The following USP6NL variants were observed in gnomAD, a reference collection of about 807,000 sequenced individuals.
USP6NL encodes USP6 N-terminal like.
Under a neutral mutation model 61.9 loss-of-function variants are expected in USP6NL, and 26 were observed. The observed-to-expected ratio is 0.42, with a 90% CI of 0.31 to 0.58. USP6NL has a LOEUF of 0.58. Among genes scored for constraint, USP6NL ranks in the 20% least tolerant of loss-of-function variants. The pLI is 0.16. For missense variants in USP6NL, 1,114 were observed against 1,034.3 expected (o/e 1.08, Z -1.06); for synonymous variants, 432 against 390.1 (o/e 1.11, Z -1.27).
chr10:11,608,541 C>G (rs1838779480), intron 1 of USP6NL, among the ~76,000 whole-genome samples: 1 of 152,168 alleles, frequency 6.6e-6, no homozygotes, highest in Non-Finnish European at 1.5e-5. Context: ...CTCTTTTTTT[C>G]AGCCAGCTAT....
intron 2 of USP6NL, among the ~76,000 whole-genome samples, chr10:11,527,825 C>T (rs11257153): frequency 0.12 from 17,997 of 152,102 alleles, 1,326 homozygotes; most frequent in East Asian, 0.16. Context: ...GAATCAATTT[C>T]GGATCTAAAA....
rs1299067623 is a variant in USP6NL at position 11,478,548 on chromosome 10, A to G, written c.1078+3222T>C. The stretch of plus-strand genomic sequence containing the variant: ...TGTATCTGAATACCACTAAAATACT[A>G]GTGGATTCTTTTTTGTAACTTGACA... On this transcript the variant is annotated intron_variant, in intron 14 of 14. Coordinates refer to ENST00000609104, the MANE Select transcript of USP6NL (RefSeq NM_014688.5). The surrounding 1 kb of genome is among the most constrained non-coding windows in gnomAD (Gnocchi z 6.8). Among the ~76,000 whole-genome samples, 2 of 152,200 alleles carry G rather than the reference A, an allele frequency of 1.3e-5. No individual in the cohort carries two copies. The highest frequency in any genetic ancestry group is 2.9e-5 in the Non-Finnish European group (2 of 68,026).
intron 2 of USP6NL, among the ~76,000 whole-genome samples, chr10:11,557,971 A>G (rs1836778959): frequency 6.6e-6 from 1 of 152,228 alleles, no homozygotes; most frequent in Non-Finnish European, 1.5e-5. Context: ...AAACTGAAAC[A>G]GTCATCTAAG....
chr10:11,608,182 ATATTT>A (rs1838768270), intron 1 of USP6NL, among the ~76,000 whole-genome samples: 2 of 152,238 alleles, frequency 1.3e-5, no homozygotes, highest in African/African-American at 2.4e-5. Context: ...AAATCAAAGA[ATATTT>A]TATTTAACAT....
intron 13 of USP6NL, among the ~76,000 whole-genome samples, chr10:11,483,671 G>A (rs1173908431): frequency 1.1e-5 from 1 of 90,700 alleles, no homozygotes; most frequent in Non-Finnish European, 2.2e-5. Flanking sequence ...GGGTAGGGAG[G>A]GAGGGAGAGA....
chr10:11,544,967 A>G (rs1836220902), intron 2 of USP6NL, among the ~76,000 whole-genome samples: 1 of 152,238 alleles, frequency 6.6e-6, no homozygotes, highest in Non-Finnish European at 1.5e-5. Flanking sequence ...CAAAAAACAC[A>G]GGGCAAGGCT....
At chr10:11,578,268 C>G (rs945739693) in intron 2 of USP6NL, among the ~76,000 whole-genome samples, 16 of 152,242 alleles carry the variant, frequency 1.1e-4, no homozygotes, top group African/African-American at 3.6e-4. Context: ...CACACCCAAC[C>G]TCATCTGTAA....
Position 11,540,965 on chromosome 10 carries a change from A to G in USP6NL, c.5-13398T>C, listed in dbSNP as rs1419377247. Among the ~76,000 whole-genome samples, 1 of 151,912 alleles carries G rather than the reference A, an allele frequency of 6.6e-6. No individual in the cohort carries two copies. The highest frequency in any genetic ancestry group is 2.4e-5 in the African/African-American group (1 of 41,374). ...GGATTTAATAAATAAAAGTGCTCAT[A>G]TCACACTAAAAGTGTCACTCATTCA... On this transcript the variant is annotated intron_variant, in intron 2 of 14. Coordinates refer to ENST00000609104, the MANE Select transcript of USP6NL (RefSeq NM_014688.5). The surrounding 1 kb of genome is among the most constrained non-coding windows in gnomAD (Gnocchi z 5.0).
At chr10:11,584,515 C>CT (rs1837900457) in intron 2 of USP6NL, among the ~76,000 whole-genome samples, 1 of 152,172 alleles carries the variant, frequency 6.6e-6, no homozygotes, top group South Asian at 2.1e-4. Flanking sequence ...TTAGGCCAAA[C>CT]TCATCTTTGG....
rs1832394206 is a variant in USP6NL at position 11,465,125 on chromosome 10, A to G, written c.1079-1276T>C. ...TAATCCCAACAAACACAATTTATCA[A>G]GAAGATATAAAGACATGAATAATAG... On this transcript the variant is annotated intron_variant, in intron 14 of 14. Coordinates refer to ENST00000609104, the MANE Select transcript of USP6NL (RefSeq NM_014688.5). This position sits in a 1 kb window ranked among gnomAD's most constrained non-coding sequence, Gnocchi z 4.5. Among the ~76,000 whole-genome samples the G allele has an allele frequency of 6.6e-6, 1 of 152,222 alleles. No homozygotes were observed. The highest frequency in any genetic ancestry group is 1.5e-5 in the Non-Finnish European group (1 of 68,036).
In USP6NL at chr10:11,548,182, G is replaced by A. The variant is rs1408007359; in HGVS notation, c.5-20615C>T. ...TTAGGCTTTTCCACATGAGAGGCCT[G>A]TAAATACAAAACTCTGACATATTCA... is the stretch of plus-strand genomic sequence containing the variant. On this transcript the variant is annotated intron_variant, in intron 2 of 14. Transcript: ENST00000609104. The surrounding 1 kb of genome is among the most constrained non-coding windows in gnomAD (Gnocchi z 4.3). Among the ~76,000 whole-genome samples the A allele has an allele frequency of 6.6e-6, 1 of 152,122 alleles. No homozygotes were observed. The highest frequency in any genetic ancestry group is 2.4e-5 in the African/African-American group (1 of 41,426).
intron 2 of USP6NL, among the ~76,000 whole-genome samples, chr10:11,539,901 A>G (rs534780275): frequency 6.6e-6 from 1 of 152,234 alleles, no homozygotes; most frequent in Non-Finnish European, 1.5e-5. Context: ...TCCACTTTAC[A>G]TATGTGGAGA....
At chr10:11,524,743 T>C (rs1477296651) in intron 4 of USP6NL, among the ~76,000 whole-genome samples, 2 of 152,172 alleles carry the variant, frequency 1.3e-5, no homozygotes, top group Non-Finnish European at 2.9e-5. Flanking sequence ...ATCCTTAAAT[T>C]GCATGGAACT....
chr10:11,578,529 A>C (rs1209018390), intron 2 of USP6NL, among the ~76,000 whole-genome samples: 20 of 152,212 alleles, frequency 1.3e-4, no homozygotes. Context: ...CCTTGAGCCC[A>C]GGAGTTTGAG....
In USP6NL at chr10:11,602,408, A is replaced by G. The variant is rs974157786; in HGVS notation, c.-83-4691T>C. ...ATATAATATGTATTACAATAAATAT[A>G]TAATGTATAATGCATAATAAATCTT... On this transcript the variant is annotated intron_variant, in intron 1 of 14. Coordinates refer to ENST00000609104, the MANE Select transcript of USP6NL (RefSeq NM_014688.5). The surrounding 1 kb of genome is among the most constrained non-coding windows in gnomAD (Gnocchi z 4.8). 6.6e-6 allele frequency among the ~76,000 whole-genome samples: 1 copy of G among 152,210 alleles called. No individual in the cohort carries two copies. The highest frequency in any genetic ancestry group is 2.4e-5 in the African/African-American group (1 of 41,454).
rs573621736 is a variant in USP6NL, at chr10:11,545,947, T to A, written c.5-18380A>T. Among the ~76,000 whole-genome samples, 138 of 152,362 alleles carry A rather than the reference T, an allele frequency of 9.1e-4. 1 individual carries two copies. The highest frequency in any genetic ancestry group is 1.0e-4 in the Non-Finnish European group (7 of 68,036). ...TTCCAAGGTTAGTGAGGGATTAACA[T>A]ACACAAAAGACTTTAATAAACTTAC... On this transcript the variant is annotated intron_variant, in intron 2 of 14. Transcript: ENST00000609104.
At chr10:11,578,798 A>G (rs1267418837) in intron 2 of USP6NL, among the ~76,000 whole-genome samples, 3 of 152,230 alleles carry the variant, frequency 2.0e-5, no homozygotes, top group Non-Finnish European at 4.4e-5. Context: ...AAGCTACAAT[A>G]AAAACCTTTC....
At chr10:11,610,773 A>G (rs1360886152) in intron 1 of USP6NL, among the ~76,000 whole-genome samples, 1 of 152,016 alleles carries the variant, frequency 6.6e-6, no homozygotes. Flanking sequence ...GAAAGGGATA[A>G]GGGTTGGGGG....
chr10:11,494,789 T>C (rs957499585), intron 7 of USP6NL, among the ~76,000 whole-genome samples: 3 of 152,136 alleles, frequency 2.0e-5, no homozygotes, highest in Admixed American at 6.5e-5. Context: ...TAGAGACTTT[T>C]AGTACTTTCA....
Sources: allele counts gnomAD v4.1 joint callset (sites outside exome capture counted in the v4.1 genomes callset), GRCh38; gene constraint gnomAD v4.1.1; non-coding constraint Gnocchi (gnomAD v3.1); transcripts MANE v1.5; gene names NCBI Gene and HGNC (gene_info 2026-07-23, HGNC 2026-07-21).